NOS1AP: variants seen among roughly 807,000 people sequenced by gnomAD.
NOS1AP encodes the protein nitric oxide synthase 1 adaptor protein, also known as carboxyl-terminal PDZ ligand of neuronal nitric oxide synthase protein.
A neutral mutation model predicts 56.2 loss-of-function variants in NOS1AP; 21 were observed. The observed-to-expected ratio is 0.37, with a 90% confidence interval of 0.26 to 0.54. The LOEUF is 0.54. NOS1AP is among the 20% of genes least tolerant of loss of function. The pLI, the probability that NOS1AP is intolerant of heterozygous loss-of-function variation, is 0.84. For synonymous variants in NOS1AP, 270 were observed against 274.6 expected (o/e 0.98, Z 0.17); for missense variants, 522 against 657.8 (o/e 0.79, Z 2.26).
intron 1 of NOS1AP, among the ~76,000 whole-genome samples, chr1:162,103,566 TAA>T (rs1647389186): frequency 6.6e-6 from 1 of 152,186 alleles, no homozygotes; most frequent in Non-Finnish European, 1.5e-5. Context: ...TGTGGGAGTC[TAA>T]GTCTCTTTGT....
chr1:162,124,922 T>G (rs1171112962), intron 1 of NOS1AP, among the ~76,000 whole-genome samples: 2 of 152,206 alleles, frequency 1.3e-5, no homozygotes, highest in East Asian at 3.9e-4. Context: ...AATAGATGTA[T>G]GCAGGTGTCT....
chr1:162,358,351 G>A (rs768151145), intron 8 of NOS1AP, among the ~76,000 whole-genome samples: 19 of 152,106 alleles, frequency 1.2e-4, no homozygotes, highest in Non-Finnish European at 2.8e-4. Context: ...TCCTGACCTG[G>A]GCCTGAGATG....
intron 8 of NOS1AP, chr1:162,360,949 G>A (rs764113965): frequency 7.0e-5 from 32 of 456,488 alleles, no homozygotes; most frequent in South Asian, 3.7e-4. Flanking sequence ...GAGTGAGGGC[G>A]CCAATGGTCT....
chr1:162,275,609 A>C (rs1654708050), intron 2 of NOS1AP, among the ~76,000 whole-genome samples: 1 of 152,150 alleles, frequency 6.6e-6, no homozygotes, highest in Non-Finnish European at 1.5e-5. Flanking sequence ...TTTCCATCAT[A>C]GTTGGAGGGG....
intron 1 of NOS1AP, among the ~76,000 whole-genome samples, chr1:162,081,792 TGG>T (rs1691902146): frequency 1.5e-5 from 2 of 136,252 alleles, no homozygotes; most frequent in African/African-American, 5.6e-5. Context: ...TTTGTAGAGA[TGG>T]GTTTTCACCA....
chr1:162,191,334 C>G (rs553602846), intron 2 of NOS1AP, among the ~76,000 whole-genome samples: 1 of 152,142 alleles, frequency 6.6e-6, no homozygotes, highest in African/African-American at 2.4e-5. Flanking sequence ...GGGTTTCTTC[C>G]TAGCTTGCTT....
chr1:162,082,893 T>C (rs371002560), intron 1 of NOS1AP, among the ~76,000 whole-genome samples: 8 of 588 alleles, frequency 0.014, no homozygotes, highest in African/African-American at 0.012. Flanking sequence ...TTTTTTCTTT[T>C]TTTTTTTTTT....
intron 1 of NOS1AP, among the ~76,000 whole-genome samples, chr1:162,100,333 T>G (rs1692354446): frequency 6.6e-6 from 1 of 152,140 alleles, no homozygotes. Flanking sequence ...TTCTAACTGG[T>G]GTGAGATGGT....
At chr1:162,286,998 C>G (rs1306348541) in intron 2 of NOS1AP, among the ~76,000 whole-genome samples, 1 of 152,154 alleles carries the variant, frequency 6.6e-6, no homozygotes, top group Non-Finnish European at 1.5e-5. Flanking sequence ...TGATGAGACA[C>G]TAGGAATACT....
At position 162,147,326 on chromosome 1, in the gene NOS1AP, C is replaced by T. The variant is rs569324014; in HGVS notation, c.106-7079C>T. 1.4e-3 allele frequency among the ~76,000 whole-genome samples: 178 copies of T among 126,988 alleles called. 1 individual carries two copies. The highest frequency in any genetic ancestry group is 5.4e-3 in the African/African-American group (167 of 31,006). The allele number at this position is 126,988 out of a possible 152,430, so 83.3% of individuals were successfully genotyped here. A position where few individuals can be genotyped will look rare whatever the true frequency, so the allele number is the denominator to read the frequency against. Reference sequence around the variant, plus strand: ...CAGCCTGGGCGACAGAGCGAGACTCCGTCTCAAAAAAAAAAAAAAAAAAAA... The same window carrying T: ...CAGCCTGGGCGACAGAGCGAGACTCTGTCTCAAAAAAAAAAAAAAAAAAAA... On this transcript the variant is annotated intron_variant, in intron 1 of 9. Coordinates refer to ENST00000361897, the MANE Select transcript of NOS1AP (RefSeq NM_014697.3).
chr1:162,125,799 T>C (rs1028016082), intron 1 of NOS1AP, among the ~76,000 whole-genome samples: 6 of 152,198 alleles, frequency 3.9e-5, no homozygotes, highest in Non-Finnish European at 8.8e-5. Context: ...TTTTTTCTAA[T>C]TCTGTGAAAA....
intron 1 of NOS1AP, among the ~76,000 whole-genome samples, chr1:162,136,021 G>A (rs1648983731): frequency 6.6e-6 from 1 of 152,180 alleles, no homozygotes; most frequent in Non-Finnish European, 1.5e-5. Context: ...GGAGTCTAGT[G>A]AAAGCTATGT....
At chr1:162,227,169 A>G (rs1652972621) in intron 2 of NOS1AP, among the ~76,000 whole-genome samples, 1 of 152,228 alleles carries the variant, frequency 6.6e-6, no homozygotes, top group Non-Finnish European at 1.5e-5. Context: ...TTCATAGAGT[A>G]GATTCTTCCA....
At chr1:162,091,648 A>G (rs1364833390) in intron 1 of NOS1AP, among the ~76,000 whole-genome samples, 1 of 152,232 alleles carries the variant, frequency 6.6e-6, no homozygotes, top group Non-Finnish European at 1.5e-5. Flanking sequence ...TAAAGATTTG[A>G]GAACATAGGA....
chr1:162,095,263 G>C (rs141387438), intron 1 of NOS1AP, among the ~76,000 whole-genome samples: 18 of 152,142 alleles, frequency 1.2e-4, no homozygotes, highest in Non-Finnish European at 2.4e-4. Context: ...TCATGATAGC[G>C]TGGTCCTCAT....
At chr1:162,299,551 G>A (rs960828520) in intron 3 of NOS1AP, among the ~76,000 whole-genome samples, 1 of 152,106 alleles carries the variant, frequency 6.6e-6, no homozygotes, top group African/African-American at 2.4e-5. Flanking sequence ...GCTCCAAATA[G>A]GTAATTCGTA....
intron 2 of NOS1AP, among the ~76,000 whole-genome samples, chr1:162,260,680 T>C (rs1654179761): frequency 1.3e-5 from 2 of 152,176 alleles, no homozygotes; most frequent in Admixed American, 1.3e-4. Flanking sequence ...CTGGAAAGGC[T>C]AAACTCTTAG....
intron 2 of NOS1AP, among the ~76,000 whole-genome samples, chr1:162,211,350 C>G (rs1652342990): frequency 6.6e-6 from 1 of 152,172 alleles, no homozygotes; most frequent in Non-Finnish European, 1.5e-5. Flanking sequence ...ATAGCCATTC[C>G]TTAGTGCATG....
At chr1:162,099,851 C>T (rs1250789846) in intron 1 of NOS1AP, among the ~76,000 whole-genome samples, 2 of 151,668 alleles carry the variant, frequency 1.3e-5, no homozygotes, top group East Asian at 1.9e-4. Context: ...TCTCATTCTT[C>T]GATTCCCACC....
Sources: gnomAD v4.1 joint callset for allele counts (sites outside exome capture counted in the v4.1 genomes callset) on GRCh38, gnomAD v4.1.1 for gene constraint, MANE v1.5 for transcripts, NCBI Gene and HGNC (gene_info 2026-07-23, HGNC 2026-07-21) for gene names.